C2CD3: variants seen among roughly 807,000 people sequenced by gnomAD.
C2CD3 encodes C2 domain containing 3 centriole elongation regulator, also known as C2 domain-containing protein 3.
In C2CD3, 148 loss-of-function variants were observed where a neutral mutation model predicts 234.0. That is an observed-to-expected ratio of 0.63 (90% CI 0.55 to 0.72). The LOEUF (loss-of-function observed/expected upper bound fraction) is 0.72, where lower values mean the gene tolerates loss of function less well. C2CD3 is among the 30% of genes least tolerant of loss of function. C2CD3 has a pLI of 0.00. For missense variants in C2CD3, 2,577 were observed against 2,811.5 expected (o/e 0.92, Z 1.89); for synonymous variants, 1,000 against 1,035.4 (o/e 0.97, Z 0.66).
chr11:74,066,287 G>C (rs1954532447), intron 24 of C2CD3, among the ~76,000 whole-genome samples: 1 of 136,060 alleles, frequency 7.3e-6, no homozygotes, highest in African/African-American at 2.9e-5. Context: ...GATAGTGTTA[G>C]GAGATATACC....
At chr11:74,037,947 A>G (rs1215539250) in intron 29 of C2CD3, among the ~76,000 whole-genome samples, 1 of 152,174 alleles carries the variant, frequency 6.6e-6, no homozygotes, top group African/African-American at 2.4e-5. Flanking sequence ...GATGTCCAGC[A>G]AAAATGCCAC....
At position 74,054,647 on chromosome 11, in the gene C2CD3, G is replaced by A; in HGVS notation, c.5115C>T (p.Asp1705=). 6.2e-7 allele frequency: 1 copy of A among 1,612,384 alleles called. No individual in the cohort carries two copies. Among genetic ancestry groups the A allele is most frequent in the Non-Finnish European group, 8.5e-7 (1 of 1,179,106 alleles). ...QSRLSKELLL[D]PQQTLVFKVW... is the part of the protein sequence containing the mutation. The stretch of plus-strand genomic sequence containing the variant: ...CTTTGAAGACCAGGGTTTGTTGTGG[G>A]TCCAGAAGCAGCTCTTTTGATAGCC... Residue 1705 remains aspartate, a synonymous_variant, in exon 26 of 33, where the codon GAC becomes GAT. Coordinates refer to ENST00000334126, the MANE Select transcript of C2CD3 (RefSeq NM_001286577.2).
At chr11:74,158,986 G>C (rs547459513) in intron 3 of C2CD3, among the ~76,000 whole-genome samples, 1 of 152,242 alleles carries the variant, frequency 6.6e-6, no homozygotes, top group South Asian at 2.1e-4. Flanking sequence ...TATGATCCAG[G>C]AATCTCACTA....
At chr11:74,073,521 A>G (rs1275137597) in intron 24 of C2CD3, among the ~76,000 whole-genome samples, 1 of 148,364 alleles carries the variant, frequency 6.7e-6, no homozygotes, top group Non-Finnish European at 1.5e-5. Flanking sequence ...TGGGAGGTGG[A>G]GGTTGCAGTG....
chr11:74,029,163 C>T (rs542308266), intron 31 of C2CD3, among the ~76,000 whole-genome samples: 5 of 152,184 alleles, frequency 3.3e-5, no homozygotes, highest in Non-Finnish European at 7.3e-5. Context: ...ATATGGTGTT[C>T]TACAGGTATT....
chr11:74,062,069 G>A (rs1483709913), intron 24 of C2CD3, among the ~76,000 whole-genome samples: 3 of 152,116 alleles, frequency 2.0e-5, no homozygotes, highest in African/African-American at 7.2e-5. Flanking sequence ...AACAAGAAGA[G>A]CTAACTATCC....
At chr11:74,031,798 G>A (rs1425818698) in intron 31 of C2CD3, among the ~76,000 whole-genome samples, 1 of 152,214 alleles carries the variant, frequency 6.6e-6, no homozygotes, top group African/African-American at 2.4e-5. Context: ...CATATTCTGA[G>A]CACAATTAAT....
At chr11:74,085,101 C>T (rs1244153029) in intron 21 of C2CD3, 131 bp from the exon 22 acceptor site, 5 of 540,228 alleles carry the variant, frequency 9.3e-6, no homozygotes, top group Non-Finnish European at 1.3e-5. Context: ...TAGAGATTAT[C>T]TTGCTCTTGC....
rs1248819129 is a variant in C2CD3 at position 74,013,452 on chromosome 11, T to C, written c.6995A>G (p.Asn2332Ser). 12 of 1,430,248 alleles carry C rather than the reference T, an allele frequency of 8.4e-6. No homozygotes were observed. The highest frequency in any genetic ancestry group is 9.1e-7 in the Non-Finnish European group (1 of 1,095,668). 88.6% of individuals were successfully genotyped at this position (1,430,248 alleles called of 1,614,324 possible). ...CCTGAGAGTTTCTTCCTCAGGCAGG[T>C]TGAGGGGGAGCGAGTTAGGTCTGGG... ...CRPRPNSLPL[N>S]LPEEETLRIA... is the part of the protein sequence containing the mutation. Residue 2332 changes from asparagine to serine, a missense_variant, in exon 33 of 33, where the codon AAC (asparagine) becomes AGC (serine). Asn to Ser is a conservative substitution (Grantham distance 46). Coordinates refer to ENST00000334126, the MANE Select transcript of C2CD3 (RefSeq NM_001286577.2).
At chr11:74,142,950 T>C (rs902016320) in intron 3 of C2CD3, among the ~76,000 whole-genome samples, 1 of 152,230 alleles carries the variant, frequency 6.6e-6, no homozygotes, top group African/African-American at 2.4e-5. Context: ...ACCACTTTAA[T>C]GAAACATTTT....
At chr11:74,076,180 A>G (rs1955031243) in intron 23 of C2CD3, among the ~76,000 whole-genome samples, 4 of 152,170 alleles carry the variant, frequency 2.6e-5, no homozygotes, top group Admixed American at 2.6e-4. Flanking sequence ...CTGCCCAGAT[A>G]AAACAGAGCA....
At chr11:74,080,029 A>G (rs1297326851) in intron 22 of C2CD3, among the ~76,000 whole-genome samples, 1 of 152,182 alleles carries the variant, frequency 6.6e-6, no homozygotes, top group Non-Finnish European at 1.5e-5. Flanking sequence ...TTTTAATAAA[A>G]GTTTACATAA....
chr11:74,072,740 G>A (rs891082833), intron 24 of C2CD3, among the ~76,000 whole-genome samples: 2 of 151,710 alleles, frequency 1.3e-5, no homozygotes, highest in African/African-American at 4.9e-5. Flanking sequence ...TTTTATCCCT[G>A]GCACCAAGGA....
At chr11:74,058,057 G>A (rs1045721822) in intron 24 of C2CD3, among the ~76,000 whole-genome samples, 2 of 152,168 alleles carry the variant, frequency 1.3e-5, no homozygotes, top group African/African-American at 4.8e-5. Flanking sequence ...AAAAAGAAGT[G>A]ACTTCTCTCA....
At chr11:74,027,511 TA>T (rs1337417276) in intron 32 of C2CD3, among the ~76,000 whole-genome samples, 1 of 152,216 alleles carries the variant, frequency 6.6e-6, no homozygotes, top group African/African-American at 2.4e-5. Flanking sequence ...TGGTACATGC[TA>T]AGCACCACCA....
chr11:74,053,400 A>G (rs1953792223), intron 26 of C2CD3, among the ~76,000 whole-genome samples: 1 of 152,256 alleles, frequency 6.6e-6, no homozygotes, highest in Admixed American at 6.5e-5. Flanking sequence ...ATATGTAAAT[A>G]TGCACAGATA....
intron 26 of C2CD3, among the ~76,000 whole-genome samples, chr11:74,052,854 G>C (rs1048588155): frequency 6.6e-6 from 1 of 152,166 alleles, no homozygotes; most frequent in South Asian, 2.1e-4. Flanking sequence ...CTTTACTAGG[G>C]TTTGAGGTTA....
chr11:74,038,233 C>T (rs1388549276), intron 29 of C2CD3, among the ~76,000 whole-genome samples: 1 of 152,168 alleles, frequency 6.6e-6, no homozygotes, highest in African/African-American at 2.4e-5. Flanking sequence ...GATTCCTTTA[C>T]ATCTACTGCA....
chr11:74,102,914 G>C (rs191088343), intron 14 of C2CD3, among the ~76,000 whole-genome samples: 1 of 152,320 alleles, frequency 6.6e-6, no homozygotes, highest in African/African-American at 2.4e-5. Context: ...GAAACCATGT[G>C]AACTCAGACA....
Sources: allele counts gnomAD v4.1 joint callset (sites outside exome capture counted in the v4.1 genomes callset), GRCh38; gene constraint gnomAD v4.1.1; transcripts MANE v1.5; gene names NCBI Gene and HGNC (gene_info 2026-07-23, HGNC 2026-07-21).